The following ZFPM1 variants were observed in gnomAD, a reference collection of about 807,000 sequenced individuals.
The protein encoded by ZFPM1 is zinc finger protein ZFPM1.
A neutral mutation model predicts 46.3 loss-of-function variants in ZFPM1; 28 were observed. The observed-to-expected ratio is 0.60, with a 90% CI of 0.45 to 0.83. The LOEUF (loss-of-function observed/expected upper bound fraction) is 0.83, where lower values mean the gene tolerates loss of function less well. Ranked by LOEUF, ZFPM1 falls within the 40% of genes least tolerant of loss-of-function variation. The probability of loss-of-function intolerance (pLI) is 0.00; values close to 1 mark genes in which losing one functional copy is unlikely to be tolerated. For missense variants in ZFPM1, 1,878 were observed against 1,432.4 expected, an observed-to-expected ratio of 1.31 and a Z score of -5.02; for synonymous variants, 957 against 675.9, an observed-to-expected ratio of 1.42 and a Z score of -6.45.
chr16:88,517,169 G>T (rs1408453975), intron 4 of ZFPM1, among the ~76,000 whole-genome samples: 1 of 149,260 alleles, frequency 6.7e-6, no homozygotes, highest in East Asian at 2.0e-4. Context: ...TAGGTGGACG[G>T]ATGGATGGGT....
chr16:88,520,588 G>GGAT (rs1567550038), intron 4 of ZFPM1, among the ~76,000 whole-genome samples: 41 of 83,810 alleles, frequency 4.9e-4, no homozygotes, highest in Non-Finnish European at 8.3e-4. Context: ...ATGGATGGAT[G>GGAT]GGAGGGTGAG....
intron 3 of ZFPM1, among the ~76,000 whole-genome samples, chr16:88,510,679 G>A (rs989554343): frequency 2.0e-5 from 3 of 152,170 alleles, no homozygotes; most frequent in South Asian, 2.1e-4. Context: ...CAGGAGACCC[G>A]TCTAGAGATG....
At chr16:88,473,067 G>T (rs1908500749) in intron 1 of ZFPM1, among the ~76,000 whole-genome samples, 1 of 152,288 alleles carries the variant, frequency 6.6e-6, no homozygotes, top group Non-Finnish European at 1.5e-5. Context: ...GGACCGGGCA[G>T]CCTCCGTTTC....
chr16:88,501,232 CA>C (rs1325443491), intron 3 of ZFPM1, among the ~76,000 whole-genome samples: 37 of 112,412 alleles, frequency 3.3e-4, no homozygotes, highest in African/African-American at 8.6e-4. Context: ...GGTGTGGGTG[CA>C]TGGGCTCTCC....
chr16:88,529,216 G>A (rs1490526317), intron 6 of ZFPM1, among the ~76,000 whole-genome samples: 2 of 152,248 alleles, frequency 1.3e-5, no homozygotes, highest in Non-Finnish European at 2.9e-5. Context: ...GTCACGCAGG[G>A]AACACGCAGC....
rs553306640 is a variant in ZFPM1 at position 88,506,207 on chromosome 16, G to T, written c.269-8180G>T. On this transcript the variant is annotated intron_variant, in intron 3 of 9. Coordinates refer to ENST00000319555, the MANE Select transcript of ZFPM1 (RefSeq NM_153813.3). ...CAGAGGAGACCAGGGCAGGAGGTGG[G>T]GAGACCAGGGGCAGGGGCAGGGAGA... Among the ~76,000 whole-genome samples the T allele has an allele frequency of 5.9e-5, 9 of 151,726 alleles. No individual in the cohort carries two copies. In the South Asian group the frequency reaches 1.7e-3, roughly 28 times the overall value.
At chr16:88,479,885 T>TC (rs1567532061) in intron 1 of ZFPM1, among the ~76,000 whole-genome samples, 1 of 100,876 alleles carries the variant, frequency 9.9e-6, no homozygotes, top group Non-Finnish European at 2.0e-5. Flanking sequence ...CAGTACTTCC[T>TC]CCCCCAGCCC....
At chr16:88,491,511 G>T (rs1909572907) in intron 3 of ZFPM1, among the ~76,000 whole-genome samples, 1 of 152,198 alleles carries the variant, frequency 6.6e-6, no homozygotes, top group Admixed American at 6.5e-5. Flanking sequence ...GTGGAGCTGG[G>T]TTTAGGCCTG....
At chr16:88,492,156 C>T (rs1909616935) in intron 3 of ZFPM1, among the ~76,000 whole-genome samples, 1 of 151,794 alleles carries the variant, frequency 6.6e-6, no homozygotes, top group Non-Finnish European at 1.5e-5. Context: ...TGCCGTTCTC[C>T]TTCTCTCTTC....
At position 88,533,171 on chromosome 16, in the gene ZFPM1, C is replaced by G; in HGVS notation, c.1213C>G (p.Gln405Glu). ...AGACAGTCTGGGCAGCTTCCAGCAG[C>G]AGCACACGGCCCTGCAAGGCCCCCT... ...PPDSLGSFQQ[Q>E]HTALQGPLAS... The change falls in exon 10 of 10, where the codon CAG (glutamine) becomes GAG (glutamate). Residue 405 changes from glutamine to glutamate, a missense_variant. Transcript: ENST00000319555. The G allele has an allele frequency of 6.6e-7, 1 of 1,512,902 alleles. No individual in the cohort carries two copies. The highest frequency in any genetic ancestry group is 8.8e-7 in the Non-Finnish European group (1 of 1,138,900). 93.7% of individuals were successfully genotyped at this position (1,512,902 alleles called of 1,614,324 possible).
chr16:88,516,104 A>G (rs1242603607), intron 4 of ZFPM1: 2 of 398,392 alleles, frequency 5.0e-6, no homozygotes, highest in Non-Finnish European at 8.8e-6. Flanking sequence ...CTGCCACTCC[A>G]TTTTACAGAT....
At chr16:88,459,250 G>A (rs1907694959) in intron 1 of ZFPM1, among the ~76,000 whole-genome samples, 1 of 152,166 alleles carries the variant, frequency 6.6e-6, no homozygotes, top group Non-Finnish European at 1.5e-5. Context: ...GAGCAGGACT[G>A]GGTCAGTCCC....
Position 88,534,443 on chromosome 16 carries a change from C to T in ZFPM1, c.2485C>T (p.Leu829Phe). The T allele has an allele frequency of 1.3e-6, 2 of 1,498,908 alleles. No individual in the cohort carries two copies. The highest frequency in any genetic ancestry group is 1.8e-6 in the Non-Finnish European group (2 of 1,131,332). The allele number at this position is 1,498,908 out of a possible 1,614,324, so 92.9% of individuals were successfully genotyped here. A position where few individuals can be genotyped will look rare whatever the true frequency, so the allele number is the denominator to read the frequency against. ...GGCCTGCCGCGTGAGCTTCCACAGC[C>T]TCGAGGCCTACCTGGCGCACAAGAA... The part of the protein sequence containing the change: ...CTACRVSFHS[L>F]EAYLAHKKYS... Residue 829 changes from leucine (L) to phenylalanine (F), a missense_variant, in exon 10 of 10, where the codon CTC becomes TTC. Transcript: ENST00000319555.
At chr16:88,454,228 A>G (rs1045007916) in intron 1 of ZFPM1, among the ~76,000 whole-genome samples, 1 of 151,796 alleles carries the variant, frequency 6.6e-6, no homozygotes, top group East Asian at 1.9e-4. Flanking sequence ...GCCCGCGCCC[A>G]CCCCCACCGG....
chr16:88,504,327 G>T (rs1453069621), intron 3 of ZFPM1, among the ~76,000 whole-genome samples: 4 of 152,144 alleles, frequency 2.6e-5, no homozygotes, highest in Non-Finnish European at 5.9e-5. Context: ...AGGCAAGGCT[G>T]GGGAGAGCCA....
In ZFPM1 at chr16:88,486,018, T is replaced by C. The variant is rs751608135; in HGVS notation, c.120T>C (p.Pro40=). 5.6e-6 allele frequency: 9 copies of C among 1,612,464 alleles called. No individual in the cohort carries two copies. In the Admixed American group the frequency reaches 8.3e-5, roughly 15 times the overall value. The change falls in exon 2 of 10, where the codon CCT becomes CCC. Residue 40 remains proline (P), a synonymous_variant. Coordinates refer to ENST00000319555, the MANE Select transcript of ZFPM1 (RefSeq NM_153813.3). ...ASHMEQKATA[P]EAPSPPSADV... is the part of the protein sequence containing the mutation. The stretch of plus-strand genomic sequence containing the variant: ...ACATGGAGCAAAAGGCCACGGCACC[T>C]GAAGCCCCGAGCCCTCCCAGCGCAG...
intron 1 of ZFPM1, among the ~76,000 whole-genome samples, chr16:88,460,203 A>G (rs1011672304): frequency 2.0e-5 from 3 of 152,160 alleles, no homozygotes; most frequent in African/African-American, 7.2e-5. Context: ...GACCAAGCCA[A>G]GCCAGAGGGG....
intron 4 of ZFPM1, among the ~76,000 whole-genome samples, chr16:88,519,086 A>ATGGATGGC (rs1182444414): frequency 2.8e-3 from 256 of 90,356 alleles, no homozygotes; most frequent in Non-Finnish European, 3.8e-3. Context: ...GGATGGATGG[A>ATGGATGGC]TGGCTGAGAG....
chr16:88,501,011 C>T (rs1291026761), intron 3 of ZFPM1, among the ~76,000 whole-genome samples: 1 of 151,596 alleles, frequency 6.6e-6, no homozygotes. Context: ...CCTGACTTCT[C>T]CACCTCCTCC....
Sources: gnomAD v4.1 joint callset for allele counts (sites outside exome capture counted in the v4.1 genomes callset) on GRCh38, gnomAD v4.1.1 for gene constraint, MANE v1.5 for transcripts, NCBI Gene and HGNC (gene_info 2026-07-23, HGNC 2026-07-21) for gene names.